The following MRPL50 variants were observed in gnomAD, a reference collection of about 807,000 sequenced individuals.
The protein encoded by MRPL50 is large ribosomal subunit protein mL50.
Under a neutral mutation model 16.2 loss-of-function variants are expected in MRPL50, and 10 were observed. The ratio of observed to expected loss-of-function variants is 0.62; its 90% confidence interval spans 0.38 to 1.05. The LOEUF (loss-of-function observed/expected upper bound fraction) is 1.05, where lower values mean the gene tolerates loss of function less well. MRPL50 is among the 50% of genes least tolerant of loss of function. The pLI, the probability that MRPL50 is intolerant of heterozygous loss-of-function variation, is 0.01. For synonymous variants in MRPL50, 68 were observed against 66.8 expected (o/e 1.02, Z -0.09); for missense variants, 213 against 187.1 (o/e 1.14, Z -0.81).
At chr9:101,394,358 G>GCTTA (rs1830313560) in intron 1 of MRPL50, among the ~76,000 whole-genome samples, 1 of 152,144 alleles carries the variant, frequency 6.6e-6, no homozygotes, top group Non-Finnish European at 1.5e-5. Flanking sequence ...CAATGGATTA[G>GCTTA]CTTACACCAC....
At chr9:101,396,466 G>A (rs1830341584) in intron 1 of MRPL50, among the ~76,000 whole-genome samples, 1 of 151,910 alleles carries the variant, frequency 6.6e-6, no homozygotes, top group South Asian at 2.1e-4. Context: ...ATGTATATGT[G>A]TACCTATGTA....
chr9:101,393,747 C>G (rs10989488), intron 1 of MRPL50, among the ~76,000 whole-genome samples: 5,169 of 151,674 alleles, frequency 0.034, 287 homozygotes, highest in African/African-American at 0.12. Flanking sequence ...TAAAAGGTCT[C>G]TACAATAAAA....
chr9:101,390,063 A>G lies in MRPL50; in HGVS notation c.*403T>C. 1 of 968,280 alleles carries G rather than the reference A, an allele frequency of 1.0e-6. No homozygotes were observed. Among genetic ancestry groups the G allele is most frequent in the Non-Finnish European group, 1.2e-6 (1 of 812,218 alleles). The allele number at this position is 968,280 out of a possible 1,614,324, so 60.0% of individuals were successfully genotyped here. A position where few individuals can be genotyped will look rare whatever the true frequency, so the allele number is the denominator to read the frequency against. ...ATGTTTCTTTTATAGGTATCTATCT[A>G]ATAAAAGTTTATTTGTGTATGTGCA... On this transcript the variant is annotated 3_prime_UTR_variant, in exon 2 of 2. Coordinates refer to ENST00000374865, the MANE Select transcript of MRPL50 (RefSeq NM_019051.3).
intron 1 of MRPL50, among the ~76,000 whole-genome samples, chr9:101,397,663 A>C (rs1345333124): frequency 1.3e-5 from 2 of 152,230 alleles, no homozygotes; most frequent in African/African-American, 2.4e-5. Context: ...GATTTGAGAG[A>C]TAATAACAAA....
At chr9:101,394,850 G>A (rs1830320298) in intron 1 of MRPL50, among the ~76,000 whole-genome samples, 1 of 151,976 alleles carries the variant, frequency 6.6e-6, no homozygotes, top group Non-Finnish European at 1.5e-5. Context: ...TTGGGGAGAT[G>A]CTTCAGGACT....
chr9:101,396,560 A>G (rs1375329444), intron 1 of MRPL50, among the ~76,000 whole-genome samples: 1 of 152,252 alleles, frequency 6.6e-6, no homozygotes, highest in East Asian at 1.9e-4. Flanking sequence ...GGATATTTGT[A>G]ACACATGGAT....
At chr9:101,393,414 AAAG>A (rs1176476112) in intron 1 of MRPL50, among the ~76,000 whole-genome samples, 2 of 151,894 alleles carry the variant, frequency 1.3e-5, no homozygotes. Flanking sequence ...TCAAAATTGA[AAAG>A]AAGTCAAATT....
At chr9:101,393,084 A>G (rs1403244881) in intron 1 of MRPL50, among the ~76,000 whole-genome samples, 1 of 152,194 alleles carries the variant, frequency 6.6e-6, no homozygotes, top group Admixed American at 6.5e-5. Context: ...CATCACATTG[A>G]TAGAATCAAG....
chr9:101,390,444 A>G lies in MRPL50; in HGVS notation c.*22T>C, dbSNP rs1465051911. On this transcript the variant is annotated 3_prime_UTR_variant, in exon 2 of 2. Coordinates refer to ENST00000374865, the MANE Select transcript of MRPL50 (RefSeq NM_019051.3). Reference sequence around the variant, plus strand: ...TGCTCAGGGAAAGACAGTGATTTCAATGTGTTTCTCTTCCGAATTGCTTAG... The same window carrying G: ...TGCTCAGGGAAAGACAGTGATTTCAGTGTGTTTCTCTTCCGAATTGCTTAG... The G allele has an allele frequency of 1.9e-6, 3 of 1,592,510 alleles. No homozygotes were observed. Among genetic ancestry groups the G allele is most frequent in the East Asian group, 4.5e-5 (2 of 44,738 alleles).
At position 101,388,297 on chromosome 9, in the gene MRPL50, A is replaced by G. The variant is rs748437106; in HGVS notation, c.*2169T>C. On this transcript the variant is annotated 3_prime_UTR_variant, in exon 2 of 2. Coordinates refer to ENST00000374865, the MANE Select transcript of MRPL50 (RefSeq NM_019051.3). ...AAATTTCTTCTGTCCTAACGATCAC[A>G]TGAAGCTGCTTGGTTTTTGCAGTTA... is the stretch of plus-strand genomic sequence containing the variant. The G allele has an allele frequency of 2.0e-5, 3 of 152,128 alleles. No homozygotes were observed. The highest frequency in any genetic ancestry group is 4.4e-5 in the Non-Finnish European group (3 of 68,004). 9.4% of individuals were successfully genotyped at this position (152,128 alleles called of 1,614,324 possible). A position where few individuals can be genotyped will look rare whatever the true frequency, so the allele number is the denominator to read the frequency against.
At chr9:101,396,969 A>G (rs1360820092) in intron 1 of MRPL50, among the ~76,000 whole-genome samples, 1 of 152,110 alleles carries the variant, frequency 6.6e-6, no homozygotes, top group Non-Finnish European at 1.5e-5. Context: ...AGTCAAATTC[A>G]TAGAAACAGA....
chr9:101,392,382 A>C (rs2118132350), intron 1 of MRPL50, among the ~76,000 whole-genome samples: 1 of 152,056 alleles, frequency 6.6e-6, no homozygotes, highest in African/African-American at 2.4e-5. Flanking sequence ...GAAAAGTTAA[A>C]ATCAACAAAC....
rs1487242731 is a variant in MRPL50 at position 101,387,659 on chromosome 9, CA to C, written c.*2806del. ...AAAGGAGGGAGGAGTTTATTTTATG[CA>C]GTTTAAAACATATATTACATATGTA... is the stretch of plus-strand genomic sequence containing the variant. On this transcript the variant is annotated 3_prime_UTR_variant, in exon 2 of 2. Transcript: ENST00000374865. 1 of 151,986 alleles carries C rather than the reference CA, an allele frequency of 6.6e-6. No individual in the cohort carries two copies. Among genetic ancestry groups the C allele is most frequent in the East Asian group, 1.9e-4 (1 of 5,172 alleles). 9.4% of individuals were successfully genotyped at this position (151,986 alleles called of 1,614,324 possible).
chr9:101,393,041 T>C (rs866835376), intron 1 of MRPL50, among the ~76,000 whole-genome samples: 7 of 152,154 alleles, frequency 4.6e-5, no homozygotes, highest in African/African-American at 1.7e-4. Context: ...AATGCAAGAA[T>C]GGTTCAACAT....
At chr9:101,390,893 T>C (rs1483575068) in intron 1 of MRPL50, 43 bp from the exon 2 acceptor site, 10 of 1,539,608 alleles carry the variant, frequency 6.5e-6, no homozygotes, top group East Asian at 4.5e-5. Flanking sequence ...TTAATGAAGT[T>C]GACAAACACC....
At chr9:101,396,792 A>G (rs951341806) in intron 1 of MRPL50, among the ~76,000 whole-genome samples, 1 of 152,114 alleles carries the variant, frequency 6.6e-6, no homozygotes, top group Non-Finnish European at 1.5e-5. Context: ...AAATAAAAAA[A>G]TTAGCCGGGC....
At chr9:101,396,499 G>A (rs1243412657) in intron 1 of MRPL50, among the ~76,000 whole-genome samples, 1 of 151,980 alleles carries the variant, frequency 6.6e-6, no homozygotes, top group East Asian at 1.9e-4. Context: ...TATATTATGT[G>A]CTTGCATATA....
At position 101,390,590 on chromosome 9, in the gene MRPL50, T is replaced by C. The variant is rs999841679; in HGVS notation, c.353A>G (p.His118Arg). 40 of 1,613,462 alleles carry C rather than the reference T, an allele frequency of 2.5e-5. No individual in the cohort carries two copies. Among genetic ancestry groups the C allele is most frequent in the Non-Finnish European group, 3.4e-5 (40 of 1,179,594 alleles). The change falls in exon 2 of 2, where the codon CAC (histidine) becomes CGC (arginine). Residue 118 changes from histidine to arginine, a missense_variant. Physicochemically the swap from His to Arg is conservative, Grantham distance 29. Transcript: ENST00000374865. ...AACATCTCTAACCCTGCACATCTGG[T>C]GGAGTCTGGAGTTAGGGACTACATG... is the stretch of plus-strand genomic sequence containing the variant. ...LGHVVPNSRLHQMCRVRDVLD... is the reference protein window; with the variant it reads ...LGHVVPNSRLRQMCRVRDVLD...
Position 101,389,356 on chromosome 9 carries a change from A to C in MRPL50, c.*1110T>G. The C allele has an allele frequency of 2.4e-6, 2 of 817,076 alleles. No individual in the cohort carries two copies. The highest frequency in any genetic ancestry group is 3.4e-6 in the Non-Finnish European group (2 of 581,930). The allele number at this position is 817,076 out of a possible 1,614,324, so 50.6% of individuals were successfully genotyped here. On this transcript the variant is annotated 3_prime_UTR_variant, in exon 2 of 2. Coordinates refer to ENST00000374865, the MANE Select transcript of MRPL50 (RefSeq NM_019051.3). ...GCTCCAGAGCTCCAGGCACTCTGAC[A>C]CCTGAAGTTCTTGAATGAAGTGCCT...
Sources: gnomAD v4.1 joint callset for allele counts (sites outside exome capture counted in the v4.1 genomes callset) on GRCh38, gnomAD v4.1.1 for gene constraint, MANE v1.5 for transcripts, NCBI Gene and HGNC (gene_info 2026-07-23, HGNC 2026-07-21) for gene names.